The following SHANK2 variants were observed in gnomAD, a reference collection of about 807,000 sequenced individuals.
The protein encoded by SHANK2 is SH3 and multiple ankyrin repeat domains protein 2.
Under a neutral mutation model 133.7 loss-of-function variants are expected in SHANK2, and 43 were observed. The observed-to-expected ratio is 0.32, with a 90% CI of 0.25 to 0.41. The LOEUF (loss-of-function observed/expected upper bound fraction) is 0.41, where lower values mean the gene tolerates loss of function less well. Among genes scored for constraint, SHANK2 ranks in the 10% least tolerant of loss-of-function variants. SHANK2 has a pLI of 1.00. For synonymous variants in SHANK2, 1,017 were observed against 952.8 expected, an observed-to-expected ratio of 1.07 and a Z score of -1.24; for missense variants, 1,994 against 2,235.8, an observed-to-expected ratio of 0.89 and a Z score of 2.18.
At chr11:70,922,681 G>T (rs1393708074) in intron 10 of SHANK2, among the ~76,000 whole-genome samples, 1 of 152,104 alleles carries the variant, frequency 6.6e-6, no homozygotes, top group Non-Finnish European at 1.5e-5. Flanking sequence ...TCTATCACCA[G>T]CATGAATTCT....
chr11:71,163,093 A>AAACATATATATATATATATATATAT lies in SHANK2; in HGVS notation c.-12-15756_-12-15755insATATATATATATATATATATATGTT. On this transcript the variant is annotated intron_variant, in intron 2 of 25. Transcript: ENST00000601538. The stretch of plus-strand genomic sequence containing the variant: ...GTCTAAAAAAAAAAAAAAAAAAAAA[A>AAACATATATATATATATATATATAT]ATACATATATATATATATACAGAAT... Among the ~76,000 whole-genome samples, 125 of 84,658 alleles carry AAACATATATATATATATATATATAT rather than the reference A, an allele frequency of 1.5e-3. 4 individuals carry two copies. Among genetic ancestry groups the AAACATATATATATATATATATATAT allele is most frequent in the African/African-American group, 3.3e-3 (71 of 21,758 alleles). 55.5% of individuals were successfully genotyped at this position (84,658 alleles called of 152,430 possible).
At chr11:71,189,968 G>C (rs574926660) in intron 2 of SHANK2, among the ~76,000 whole-genome samples, 5 of 152,228 alleles carry the variant, frequency 3.3e-5, no homozygotes, top group African/African-American at 1.2e-4. Flanking sequence ...CTCCGAGCAC[G>C]AGGGCCCAGC....
Position 70,485,546 on chromosome 11 carries a change from G to T in SHANK2, c.4747C>A (p.Pro1583Thr), listed in dbSNP as rs1421730609. The T allele has an allele frequency of 9.3e-6, 15 of 1,612,814 alleles. No individual in the cohort carries two copies. In the Admixed American group the frequency reaches 2.5e-4, roughly 27 times the overall value. ...GGCTGGGCACTGCCCGGCGGGGGCG[G>T]GGGAGCGGGCGGGGGGATAACAAAG... ...DSFVIPPPAP[P>T]PPPGSAQPGM... The change falls in exon 25 of 26, where the codon CCG becomes ACG. Residue 1583 changes from proline (P) to threonine (T), a missense_variant. Physicochemically the swap from Pro to Thr is conservative, Grantham distance 38. Around this residue, in one of 5 missense-constraint regions of SHANK2, gnomAD observed 797 missense variants for 907.4 expected, o/e 0.88. Transcript: ENST00000601538. This position sits in a 1 kb window ranked among gnomAD's most constrained non-coding sequence, Gnocchi z 5.8.
Position 70,486,690 on chromosome 11 carries a change from A to G in SHANK2, c.3603T>C (p.Tyr1201=), listed in dbSNP as rs782399128. The change falls in exon 25 of 26, where the codon TAT becomes TAC. Residue 1201 remains tyrosine, a synonymous_variant. Coordinates refer to ENST00000601538, the MANE Select transcript of SHANK2 (RefSeq NM_012309.5). The surrounding 1 kb of genome is among the most constrained non-coding windows in gnomAD (Gnocchi z 8.0). ...ASSGTAGPGN[Y]VHPLTGRLLD... Reference sequence around the variant, plus strand: ...GCAGCCGCCCTGTGAGTGGGTGGACATAATTCCCGGGGCCGGCTGTGCCGC... The same window carrying G: ...GCAGCCGCCCTGTGAGTGGGTGGACGTAATTCCCGGGGCCGGCTGTGCCGC... 3 of 1,611,302 alleles carry G rather than the reference A, an allele frequency of 1.9e-6. No homozygotes were observed. The highest frequency in any genetic ancestry group is 2.2e-5 in the East Asian group (1 of 44,868).
rs534587348 is a variant in SHANK2 at position 70,737,669 on chromosome 11, G to T, written c.1778-38906C>A. On this transcript the variant is annotated intron_variant, in intron 14 of 25. Coordinates refer to ENST00000601538, the MANE Select transcript of SHANK2 (RefSeq NM_012309.5). ...CAGCCCAGGCCCCAGTGGGCAGCCA[G>T]TATAGGACGGGCAGCCCGGGGCAGG... is the stretch of plus-strand genomic sequence containing the variant. 1.4e-3 allele frequency among the ~76,000 whole-genome samples: 220 copies of T among 152,330 alleles called. 1 individual carries two copies. Among genetic ancestry groups the T allele is most frequent in the Admixed American group, 1.8e-3 (27 of 15,306 alleles).
intron 14 of SHANK2, among the ~76,000 whole-genome samples, chr11:70,784,570 G>A (rs1947606110): frequency 6.6e-6 from 1 of 151,926 alleles, no homozygotes; most frequent in African/African-American, 2.4e-5. Flanking sequence ...GCCTCCCAAA[G>A]TGCTGGGATT....
At chr11:70,707,988 C>T (rs954551722) in intron 14 of SHANK2, among the ~76,000 whole-genome samples, 3 of 152,186 alleles carry the variant, frequency 2.0e-5, no homozygotes, top group Non-Finnish European at 4.4e-5. Context: ...AGTCTGCTCC[C>T]GGTGTGCACC....
rs377410711 is a variant in SHANK2 at position 71,110,449 on chromosome 11, C to T, written c.484-400G>A. 3.9e-5 allele frequency among the ~76,000 whole-genome samples: 6 copies of T among 152,156 alleles called. No homozygotes were observed. In the East Asian group the frequency reaches 9.7e-4, roughly 25 times the overall value. On this transcript the variant is annotated intron_variant, in intron 5 of 25. Coordinates refer to ENST00000601538, the MANE Select transcript of SHANK2 (RefSeq NM_012309.5). ...CGAGACTCCATCTCAAACAAACAAA[C>T]AAACAAAAAATTAGCTAGACGTGGT...
chr11:70,760,104 T>C (rs1490282596), intron 14 of SHANK2, among the ~76,000 whole-genome samples: 1 of 152,240 alleles, frequency 6.6e-6, no homozygotes, highest in Non-Finnish European at 1.5e-5. Flanking sequence ...CTGTAATGCC[T>C]TTAAATGTGA....
At chr11:70,878,965 G>A (rs963070641) in intron 11 of SHANK2, among the ~76,000 whole-genome samples, 2 of 152,130 alleles carry the variant, frequency 1.3e-5, no homozygotes, top group Admixed American at 6.5e-5. Flanking sequence ...CTCCCCCAGG[G>A]GACATCCTGA....
chr11:70,883,053 G>A lies in SHANK2; in HGVS notation c.1174+13448C>T, dbSNP rs923865524. Among the ~76,000 whole-genome samples, 8 of 152,122 alleles carry A rather than the reference G, an allele frequency of 5.3e-5. No individual in the cohort carries two copies. In the East Asian group the frequency reaches 5.8e-4, roughly 11 times the overall value. On this transcript the variant is annotated intron_variant, in intron 11 of 25. Coordinates refer to ENST00000601538, the MANE Select transcript of SHANK2 (RefSeq NM_012309.5). Reference sequence around the variant, plus strand: ...TTAGCAGGAGTGAAGGGGCGGCTCCGGAGTCAGGGCTGTCGGTTCCAGCCC... The same window carrying A: ...TTAGCAGGAGTGAAGGGGCGGCTCCAGAGTCAGGGCTGTCGGTTCCAGCCC...
At chr11:71,138,094 G>A (rs1446744869) in intron 3 of SHANK2, among the ~76,000 whole-genome samples, 7 of 60,264 alleles carry the variant, frequency 1.2e-4, no homozygotes, top group African/African-American at 3.0e-4. Context: ...CAAAGCACCC[G>A]AACACAGCTT....
rs375744063 is a variant in SHANK2 at position 71,127,972 on chromosome 11, C to T, written c.208-8940G>A. ...GACCAGCCATCCTCTCCGCGTCTGC[C>T]GGCTGGAGCCCCACTCTCCTTTCCA... is the stretch of plus-strand genomic sequence containing the variant. On this transcript the variant is annotated intron_variant, in intron 3 of 25. Coordinates refer to ENST00000601538, the MANE Select transcript of SHANK2 (RefSeq NM_012309.5). Among the ~76,000 whole-genome samples, 38 of 152,306 alleles carry T rather than the reference C, an allele frequency of 2.5e-4. 1 individual carries two copies. The highest frequency in any genetic ancestry group is 9.1e-4 in the African/African-American group (38 of 41,570).
chr11:70,901,578 C>G (rs375849653), intron 10 of SHANK2, among the ~76,000 whole-genome samples: 1 of 152,178 alleles, frequency 6.6e-6, no homozygotes. Flanking sequence ...TTCCTTGTTT[C>G]AAATAACATT....
chr11:70,859,161 T>C, intron 11 of SHANK2, among the ~76,000 whole-genome samples: 1 of 152,090 alleles, frequency 6.6e-6, no homozygotes, highest in East Asian at 1.9e-4. Context: ...AGAATGAATG[T>C]ATAGATAATA....
At position 70,861,657 on chromosome 11, in the gene SHANK2, G is replaced by A. The variant is rs143017012; in HGVS notation, c.1174+34844C>T. Among the ~76,000 whole-genome samples the A allele has an allele frequency of 2.6e-4, 39 of 152,250 alleles. No individual in the cohort carries two copies. The East Asian group carries it at 7.5e-3, about 29-fold the overall frequency. ...CAGTTAACTCTGTAGCTCAGGGCCT[G>A]GGGTTTGTTTCTTTGACTCCTCTGG... On this transcript the variant is annotated intron_variant, in intron 11 of 25. Coordinates refer to ENST00000601538, the MANE Select transcript of SHANK2 (RefSeq NM_012309.5).
chr11:70,696,055 C>T (rs782718159), intron 15 of SHANK2, among the ~76,000 whole-genome samples: 23 of 152,232 alleles, frequency 1.5e-4, no homozygotes, highest in Non-Finnish European at 3.4e-4. Context: ...AAGCCCTTGA[C>T]TGGACACCAA....
intron 17 of SHANK2, among the ~76,000 whole-genome samples, chr11:70,632,084 C>G (rs549105995): frequency 3.3e-5 from 5 of 152,324 alleles, no homozygotes; most frequent in African/African-American, 1.2e-4. Flanking sequence ...CATTAGAATG[C>G]GATTTGTCCT....
chr11:71,223,141 G>A (rs560596961), intron 2 of SHANK2, among the ~76,000 whole-genome samples: 6 of 152,362 alleles, frequency 3.9e-5, no homozygotes, highest in South Asian at 2.1e-4. Flanking sequence ...CATTTCAGAC[G>A]GGATTGGTGA....
Sources: gnomAD v4.1 joint callset for allele counts (sites outside exome capture counted in the v4.1 genomes callset) on GRCh38, gnomAD v4.1.1 for gene constraint, gnomAD v4.1.1 regional missense constraint, Gnocchi (gnomAD v3.1) non-coding constraint, MANE v1.5 for transcripts, NCBI Gene and HGNC (gene_info 2026-07-23, HGNC 2026-07-21) for gene names.